The following ZFPM2 variants were observed in gnomAD, a reference collection of about 807,000 sequenced individuals.
The protein encoded by ZFPM2 is zinc finger protein, FOG family member 2, also known as zinc finger protein ZFPM2.
A neutral mutation model predicts 98.6 loss-of-function variants in ZFPM2; 20 were observed. That is an observed-to-expected ratio of 0.20 (90% CI 0.14 to 0.29). The LOEUF is 0.29. Among genes scored for constraint, ZFPM2 ranks in the 10% least tolerant of loss-of-function variants. The pLI, the probability that ZFPM2 is intolerant of heterozygous loss-of-function variation, is 1.00. For synonymous variants in ZFPM2, 518 were observed against 502.7 expected (o/e 1.03, Z -0.41); for missense variants, 1,310 against 1,388.6 (o/e 0.94, Z 0.90).
At chr8:105,380,088 C>T (rs939179198) in intron 1 of ZFPM2, among the ~76,000 whole-genome samples, 6 of 152,112 alleles carry the variant, frequency 3.9e-5, no homozygotes, top group African/African-American at 1.2e-4. Context: ...GTTCCTATTT[C>T]GTTAGCTTTC....
intron 3 of ZFPM2, among the ~76,000 whole-genome samples, chr8:105,455,263 T>C (rs7006964): frequency 8.6e-5 from 13 of 151,932 alleles, no homozygotes; most frequent in African/African-American, 2.7e-4. Flanking sequence ...GGTAAAAGGG[T>C]TGTAAAGTAT....
chr8:105,543,793 C>T (rs1023090954), intron 3 of ZFPM2, among the ~76,000 whole-genome samples: 3 of 152,046 alleles, frequency 2.0e-5, no homozygotes, highest in Non-Finnish European at 2.9e-5. Flanking sequence ...TTATTCCAGG[C>T]GTAATACTAC....
chr8:105,780,751 C>T (rs550470071), intron 5 of ZFPM2, among the ~76,000 whole-genome samples: 73 of 152,250 alleles, frequency 4.8e-4, no homozygotes, highest in African/African-American at 1.7e-3. Context: ...GGTGTGATCC[C>T]AGCCTGTAAT....
chr8:105,795,098 C>T (rs1259975208), intron 6 of ZFPM2, among the ~76,000 whole-genome samples: 1 of 152,160 alleles, frequency 6.6e-6, no homozygotes, highest in Non-Finnish European at 1.5e-5. Flanking sequence ...CTGACCTGCG[C>T]CCACTGTCTG....
At chr8:105,777,982 C>T (rs1813144432) in intron 5 of ZFPM2, among the ~76,000 whole-genome samples, 3 of 152,106 alleles carry the variant, frequency 2.0e-5, no homozygotes, top group Non-Finnish European at 4.4e-5. Context: ...AAGAATATGT[C>T]ACAGCTCTTT....
At chr8:105,659,588 G>T (rs758004580) in intron 5 of ZFPM2, among the ~76,000 whole-genome samples, 5 of 152,106 alleles carry the variant, frequency 3.3e-5, no homozygotes, top group Admixed American at 6.5e-5. Context: ...TTTACAAAAG[G>T]TTTCTTTTTT....
At chr8:105,504,251 A>T (rs1479810990) in intron 3 of ZFPM2, among the ~76,000 whole-genome samples, 1 of 152,172 alleles carries the variant, frequency 6.6e-6, no homozygotes, top group East Asian at 1.9e-4. Context: ...GGAACACAAG[A>T]TTGCTCAGAG....
intron 3 of ZFPM2, among the ~76,000 whole-genome samples, chr8:105,507,418 C>T (rs1455774910): frequency 1.3e-5 from 2 of 152,144 alleles, no homozygotes; most frequent in African/African-American, 2.4e-5. Flanking sequence ...GTGTTTGGTT[C>T]TATGTCTAGA....
At chr8:105,661,048 C>T (rs552399186) in intron 5 of ZFPM2, among the ~76,000 whole-genome samples, 32 of 152,058 alleles carry the variant, frequency 2.1e-4, no homozygotes, top group South Asian at 1.2e-3. Flanking sequence ...TTTGAATTGC[C>T]GAAATTCAAA....
At chr8:105,553,283 C>T (rs966781198) in intron 3 of ZFPM2, among the ~76,000 whole-genome samples, 1 of 151,970 alleles carries the variant, frequency 6.6e-6, no homozygotes, top group Non-Finnish European at 1.5e-5. Flanking sequence ...TCCTTAAGAC[C>T]AGCCAGAATA....
At chr8:105,599,646 A>G (rs1242207585) in intron 4 of ZFPM2, among the ~76,000 whole-genome samples, 2 of 152,088 alleles carry the variant, frequency 1.3e-5, no homozygotes, top group Non-Finnish European at 2.9e-5. Context: ...CCTTTCATCT[A>G]TGGCAACATT....
In ZFPM2 at chr8:105,502,302, A is replaced by T. The variant is rs114300132; in HGVS notation, c.301+57921A>T. On this transcript the variant is annotated intron_variant, in intron 3 of 7. Transcript: ENST00000407775. The stretch of plus-strand genomic sequence containing the variant: ...CATTTTGAAAGCATGGGAAGTAAGG[A>T]TAGATTAGAAAAGAATATCAATTAA... 4.7e-3 allele frequency among the ~76,000 whole-genome samples: 722 copies of T among 152,294 alleles called. 11 individuals are homozygous for T. The highest frequency in any genetic ancestry group is 0.016 in the African/African-American group (676 of 41,566).
intron 5 of ZFPM2, among the ~76,000 whole-genome samples, chr8:105,664,564 C>A (rs1399338226): frequency 4.6e-5 from 7 of 152,172 alleles, no homozygotes. Flanking sequence ...CAACTCCCAT[C>A]CTCAGGTGAT....
intron 3 of ZFPM2, among the ~76,000 whole-genome samples, chr8:105,529,465 G>A (rs1417872214): frequency 6.6e-6 from 1 of 152,018 alleles, no homozygotes; most frequent in Non-Finnish European, 1.5e-5. Context: ...CTGAAGTCTA[G>A]TGACTGTCAC....
At chr8:105,521,012 T>C (rs1241538922) in intron 3 of ZFPM2, among the ~76,000 whole-genome samples, 1 of 146,520 alleles carries the variant, frequency 6.8e-6, no homozygotes, top group Non-Finnish European at 1.6e-5. Flanking sequence ...AATTTACATA[T>C]ATGTTAAAAA....
intron 3 of ZFPM2, among the ~76,000 whole-genome samples, chr8:105,544,616 A>G (rs1814652725): frequency 6.6e-6 from 1 of 152,180 alleles, no homozygotes; most frequent in Non-Finnish European, 1.5e-5. Flanking sequence ...AGGAGGTCTA[A>G]TGGTTCATGT....
intron 3 of ZFPM2, among the ~76,000 whole-genome samples, chr8:105,457,714 A>G (rs13281498): frequency 0.085 from 12,956 of 152,204 alleles, 666 homozygotes; most frequent in South Asian, 0.14. Flanking sequence ...TGTTTTTTGC[A>G]AGTCTAATTC....
intron 5 of ZFPM2, among the ~76,000 whole-genome samples, chr8:105,731,746 G>A (rs570468002): frequency 2.0e-5 from 3 of 151,816 alleles, no homozygotes; most frequent in African/African-American, 7.2e-5. Flanking sequence ...AGAATGTATT[G>A]TAATTTAATG....
intron 5 of ZFPM2, among the ~76,000 whole-genome samples, chr8:105,723,614 G>A (rs951545431): frequency 2.0e-5 from 3 of 151,778 alleles, no homozygotes; most frequent in Admixed American, 6.6e-5. Context: ...CAGAAAAAAA[G>A]GGTTCTCATT....
Sources: gnomAD v4.1 joint callset for allele counts (sites outside exome capture counted in the v4.1 genomes callset) on GRCh38, gnomAD v4.1.1 for gene constraint, MANE v1.5 for transcripts, NCBI Gene and HGNC (gene_info 2026-07-23, HGNC 2026-07-21) for gene names.